The following NHS variants were observed in gnomAD, a reference collection of about 807,000 sequenced individuals.
NHS encodes the protein NHS actin remodeling regulator.
In NHS, 5 loss-of-function variants were observed where a neutral mutation model predicts 72.5. That is an observed-to-expected ratio of 0.07 (90% CI 0.04 to 0.14). The LOEUF (loss-of-function observed/expected upper bound fraction) is 0.14, where lower values mean the gene tolerates loss of function less well. NHS is among the 10% of genes least tolerant of loss of function. The pLI, the probability that NHS is intolerant of heterozygous loss-of-function variation, is 1.00. For missense variants in NHS, 1,072 were observed against 1,355.7 expected (o/e 0.79, Z 3.29); for synonymous variants, 464 against 547.7 (o/e 0.85, Z 2.13).
intron 1 of NHS, among the ~76,000 whole-genome samples, chrX:17,591,073 TTC>T (rs757848325): frequency 8.9e-6 from 1 of 112,338 alleles, no homozygotes; most frequent in Non-Finnish European, 1.9e-5. Flanking sequence ...AGGCCAGGAC[TTC>T]TTTTACCCCA....
chrX:17,735,111 T>C lies in NHS; in HGVS notation c.*2647T>C, dbSNP rs1008447265. On this transcript the variant is annotated 3_prime_UTR_variant, in exon 9 of 9. Transcript: ENST00000676302. ...TTATAATATAGTTTTACTTATTTTG[T>C]TTACTCTAAAAATCTATAGCAGAGT... 2 of 112,966 alleles carry C rather than the reference T, an allele frequency of 1.8e-5. No homozygotes were observed. The highest frequency in any genetic ancestry group is 3.7e-5 in the Non-Finnish European group (2 of 53,340). 9.3% of individuals were successfully genotyped at this position (112,966 alleles called of 1,213,427 possible).
chrX:17,536,171 C>A (rs1428690497), intron 1 of NHS, among the ~76,000 whole-genome samples: 1 of 111,503 alleles, frequency 9.0e-6, no homozygotes, highest in Non-Finnish European at 1.9e-5. Flanking sequence ...CTGGCTAACA[C>A]AGTGAAACCC....
In NHS at chrX:17,593,749, G is replaced by A. The variant is rs1243079290; in HGVS notation, c.566-93993G>A. 4.5e-5 allele frequency among the ~76,000 whole-genome samples: 5 copies of A among 111,563 alleles called. No individual in the cohort carries two copies. In the East Asian group the frequency reaches 1.4e-3, roughly 31 times the overall value. On this transcript the variant is annotated intron_variant, in intron 1 of 8. Coordinates refer to ENST00000676302, the MANE Select transcript of NHS (RefSeq NM_001291867.2). ...GCAATGAGCTGTAAACTTCTTACAT[G>A]TCTATGTCTATGTCTGTTTTACTTC...
chrX:17,611,447 G>T (rs2065710772), intron 1 of NHS, among the ~76,000 whole-genome samples: 1 of 111,864 alleles, frequency 8.9e-6, no homozygotes, highest in Admixed American at 9.5e-5. Context: ...AAGGCTTTTA[G>T]CCCTCCCCCT....
chrX:17,724,486 G>C, intron 6 of NHS, 56 bp downstream of exon 6: 1 of 1,181,900 alleles, frequency 8.5e-7, no homozygotes, highest in Non-Finnish European at 1.1e-6. Flanking sequence ...ACAGATGATA[G>C]GGAGATGAAA....
intron 1 of NHS, among the ~76,000 whole-genome samples, chrX:17,606,895 C>T (rs192930517): frequency 1.8e-5 from 2 of 112,368 alleles, no homozygotes; most frequent in Non-Finnish European, 3.8e-5. Flanking sequence ...ACCCAGGAAC[C>T]GTTCCAAGTG....
At chrX:17,494,044 C>G (rs1415656417) in intron 1 of NHS, among the ~76,000 whole-genome samples, 1 of 103,694 alleles carries the variant, frequency 9.6e-6, no homozygotes, top group Non-Finnish European at 2.0e-5. Flanking sequence ...GGCAATGGCT[C>G]TGGTGTGAAG....
chrX:17,618,077 CT>C (rs1335873627), intron 1 of NHS, among the ~76,000 whole-genome samples: 3 of 111,963 alleles, frequency 2.7e-5, no homozygotes, highest in Non-Finnish European at 5.6e-5. Flanking sequence ...CTCAGAATGG[CT>C]TTTGTCAATT....
intron 1 of NHS, among the ~76,000 whole-genome samples, chrX:17,639,026 G>C (rs2065866196): frequency 8.9e-6 from 1 of 111,811 alleles, no homozygotes; most frequent in South Asian, 3.8e-4. Context: ...AAAAAACTCA[G>C]CACAAAAACT....
chrX:17,485,270 C>T (rs887067726), intron 1 of NHS, among the ~76,000 whole-genome samples: 93 of 112,520 alleles, frequency 8.3e-4, no homozygotes, highest in African/African-American at 2.9e-3. Flanking sequence ...GAAAAATAAA[C>T]ACTCACCAGT....
intron 1 of NHS, among the ~76,000 whole-genome samples, chrX:17,451,009 G>T (rs775364839): frequency 8.9e-6 from 1 of 112,307 alleles, no homozygotes; most frequent in South Asian, 3.7e-4. Flanking sequence ...GGGCTAGTTG[G>T]GAGTGAGATG....
chrX:17,489,669 A>C (rs2064982020), intron 1 of NHS, among the ~76,000 whole-genome samples: 1 of 111,621 alleles, frequency 9.0e-6, no homozygotes, highest in South Asian at 3.8e-4. Context: ...TTGTATTTTT[A>C]GTAGAGACAG....
At chrX:17,570,855 G>C (rs929836952) in intron 1 of NHS, among the ~76,000 whole-genome samples, 1 of 112,074 alleles carries the variant, frequency 8.9e-6, no homozygotes, top group East Asian at 2.8e-4. Context: ...CTGATACCTA[G>C]TTTACTGAGA....
chrX:17,553,272 G>A (rs887920378), intron 1 of NHS, among the ~76,000 whole-genome samples: 6 of 113,017 alleles, frequency 5.3e-5, no homozygotes, highest in African/African-American at 1.3e-4. Context: ...AACATGGCAA[G>A]GCCCTGCCCT....
chrX:17,445,854 C>T (rs112053847), intron 1 of NHS, among the ~76,000 whole-genome samples: 37 of 93,738 alleles, frequency 3.9e-4, no homozygotes, highest in African/African-American at 1.5e-3. Context: ...AAAAAAAAAA[C>T]AACAACTCAA....
chrX:17,418,207 A>G (rs575319982), intron 1 of NHS, among the ~76,000 whole-genome samples: 4 of 112,231 alleles, frequency 3.6e-5, no homozygotes, highest in South Asian at 7.4e-4. Context: ...CAAAAAGAGA[A>G]GGTAAACAAT....
chrX:17,730,669 G>A (rs781441492), intron 8 of NHS, among the ~76,000 whole-genome samples: 1 of 112,701 alleles, frequency 8.9e-6, no homozygotes, highest in Non-Finnish European at 1.9e-5. Context: ...ATGATGATGG[G>A]AGTCAAGGTT....
chrX:17,445,218 G>T (rs767094317), intron 1 of NHS, among the ~76,000 whole-genome samples: 38 of 111,508 alleles, frequency 3.4e-4, no homozygotes, highest in African/African-American at 1.1e-3. Flanking sequence ...TCTGTGTTAG[G>T]CTGGGAAGCC....
intron 1 of NHS, among the ~76,000 whole-genome samples, chrX:17,524,549 C>T (rs1339268243): frequency 8.9e-6 from 1 of 112,083 alleles, no homozygotes; most frequent in Non-Finnish European, 1.9e-5. Context: ...GTGGCCTTGA[C>T]ATTTTTGAAG....
Sources: allele counts gnomAD v4.1 joint callset (sites outside exome capture counted in the v4.1 genomes callset), GRCh38; gene constraint gnomAD v4.1.1; transcripts MANE v1.5; gene names NCBI Gene and HGNC (gene_info 2026-07-23, HGNC 2026-07-21).